Variants in PARD3B observed in about 807,000 individuals in gnomAD.
The protein encoded by PARD3B is par-3 family cell polarity regulator beta, also known as partitioning defective 3 homolog B.
PARD3B carries 103 observed loss-of-function variants against 130.2 expected under a neutral mutation model. The observed-to-expected ratio is 0.79, with a 90% confidence interval of 0.67 to 0.93. The LOEUF (loss-of-function observed/expected upper bound fraction) is 0.93, where lower values mean the gene tolerates loss of function less well. Among genes scored for constraint, PARD3B ranks in the 40% least tolerant of loss-of-function variants. The pLI is 0.00. For missense variants in PARD3B, 1,609 were observed against 1,499.2 expected (o/e 1.07, Z -1.21); for synonymous variants, 583 against 553.2 (o/e 1.05, Z -0.76).
At chr2:204,797,263 A>C (rs1158168811) in intron 2 of PARD3B, among the ~76,000 whole-genome samples, 2 of 152,198 alleles carry the variant, frequency 1.3e-5, no homozygotes, top group South Asian at 4.1e-4. Flanking sequence ...AATAATTAAC[A>C]ACTTAGAATT....
rs546867874 is a variant in PARD3B, at chr2:205,515,456, C to T, written c.3180+15425C>T. Among the ~76,000 whole-genome samples the T allele has an allele frequency of 2.6e-5, 4 of 151,534 alleles. No individual in the cohort carries two copies. In the South Asian group the frequency reaches 6.4e-4, roughly 24 times the overall value. ...CAATGGTTGAACTAATTTACACTCT[C>T]ACCAACAGTGTATGAGTGTTCCCTT... On this transcript the variant is annotated intron_variant, in intron 21 of 22. Transcript: ENST00000406610.
intron 18 of PARD3B, among the ~76,000 whole-genome samples, chr2:205,361,841 A>AT (rs10711018): frequency 6.6e-5 from 10 of 151,144 alleles, no homozygotes; most frequent in African/African-American, 2.2e-4. Flanking sequence ...TCCCAAACAC[A>AT]TTTTTTTTTC....
intron 18 of PARD3B, among the ~76,000 whole-genome samples, chr2:205,381,017 A>T (rs1236947499): frequency 3.6e-5 from 2 of 55,490 alleles, no homozygotes; most frequent in Non-Finnish European, 7.6e-5. Flanking sequence ...TATAAAGAAT[A>T]TATATGATAT....
chr2:205,495,784 CT>C (rs2049901444), intron 20 of PARD3B, among the ~76,000 whole-genome samples: 1 of 152,136 alleles, frequency 6.6e-6, no homozygotes, highest in Admixed American at 6.6e-5. Context: ...GAAGAGCAGT[CT>C]TTGAAATGAG....
chr2:204,565,788 A>G (rs935793018), intron 1 of PARD3B, among the ~76,000 whole-genome samples: 1 of 152,188 alleles, frequency 6.6e-6, no homozygotes, highest in African/African-American at 2.4e-5. Flanking sequence ...ATGGTGCACC[A>G]TAAAAAAACC....
At chr2:205,385,625 A>G (rs935875850) in intron 18 of PARD3B, among the ~76,000 whole-genome samples, 1 of 152,064 alleles carries the variant, frequency 6.6e-6, no homozygotes, top group Non-Finnish European at 1.5e-5. Flanking sequence ...TCGCCACGCT[A>G]ATCTCTTTTA....
intron 2 of PARD3B, among the ~76,000 whole-genome samples, chr2:204,883,856 G>C (rs2046172279): frequency 6.6e-6 from 1 of 151,890 alleles, no homozygotes; most frequent in African/African-American, 2.4e-5. Context: ...CTCTGCCTCA[G>C]CCTCCCAAGT....
chr2:204,775,520 AG>A (rs1355540295), intron 2 of PARD3B, among the ~76,000 whole-genome samples: 3 of 152,138 alleles, frequency 2.0e-5, no homozygotes, highest in Non-Finnish European at 2.9e-5. Context: ...ATGGAGCTGG[AG>A]GAGCCAGGAT....
At chr2:205,188,516 G>A (rs914163836) in intron 14 of PARD3B, among the ~76,000 whole-genome samples, 2 of 152,218 alleles carry the variant, frequency 1.3e-5, no homozygotes, top group African/African-American at 4.8e-5. Context: ...CTTGGGACTA[G>A]CAAGAGAAGA....
intron 12 of PARD3B, among the ~76,000 whole-genome samples, chr2:205,175,048 G>C (rs762725588): frequency 6.6e-6 from 1 of 152,094 alleles, no homozygotes; most frequent in Non-Finnish European, 1.5e-5. Flanking sequence ...AGCAGAATAT[G>C]TTTAAAAATC....
In PARD3B at chr2:205,585,888, G is replaced by A. The variant is rs997342274; in HGVS notation, c.3261-29568G>A. On this transcript the variant is annotated intron_variant, in intron 22 of 22. Coordinates refer to ENST00000406610, the MANE Select transcript of PARD3B (RefSeq NM_001302769.2). This position sits in a 1 kb window ranked among gnomAD's most constrained non-coding sequence, Gnocchi z 5.4. Reference sequence around the variant, plus strand: ...CGGCCACAGCAGGTCTGGTGGTCACGGGAACCCACATCTTACATTCAACAG... The same window carrying A: ...CGGCCACAGCAGGTCTGGTGGTCACAGGAACCCACATCTTACATTCAACAG... Among the ~76,000 whole-genome samples the A allele has an allele frequency of 3.9e-5, 6 of 152,242 alleles. No homozygotes were observed. Among genetic ancestry groups the A allele is most frequent in the African/African-American group, 9.6e-5 (4 of 41,526 alleles).
At chr2:204,708,550 T>C (rs1559076836) in intron 2 of PARD3B, among the ~76,000 whole-genome samples, 1 of 152,194 alleles carries the variant, frequency 6.6e-6, no homozygotes, top group Non-Finnish European at 1.5e-5. Context: ...AATAATGTAA[T>C]TATATCACTT....
intron 15 of PARD3B, among the ~76,000 whole-genome samples, chr2:205,231,106 T>G (rs770120116): frequency 1.3e-5 from 2 of 152,114 alleles, no homozygotes; most frequent in Non-Finnish European, 2.9e-5. Context: ...GTGGTTACTG[T>G]GATCACTCAC....
At position 205,158,688 on chromosome 2, in the gene PARD3B, C is replaced by T; in HGVS notation, c.1435-34C>T. The T allele has an allele frequency of 6.4e-7, 1 of 1,557,966 alleles. No homozygotes were observed. On this transcript the variant is annotated intron_variant, in intron 10 of 22. Transcript: ENST00000406610. This position sits in a 1 kb window ranked among gnomAD's most constrained non-coding sequence, Gnocchi z 5.4. ...GAGTGAAATATTAATCTGCTTTCTT[C>T]TCTTCACTCTTTTCATGTGTATTCC... is the stretch of plus-strand genomic sequence containing the variant.
At chr2:204,854,688 C>T (rs1465920494) in intron 2 of PARD3B, among the ~76,000 whole-genome samples, 1 of 152,104 alleles carries the variant, frequency 6.6e-6, no homozygotes, top group African/African-American at 2.4e-5. Context: ...AAAATGTCTC[C>T]TGAACAGAGG....
rs1559207069 is a variant in PARD3B at position 205,550,970 on chromosome 2, TATATATACACACACAC to T, written c.3181-2352_3181-2337del. Among the ~76,000 whole-genome samples the T allele has an allele frequency of 3.8e-5, 4 of 104,900 alleles. No individual in the cohort carries two copies. The highest frequency in any genetic ancestry group is 9.3e-5 in the Admixed American group (1 of 10,794). 68.8% of individuals were successfully genotyped at this position (104,900 alleles called of 152,430 possible). A position where few individuals can be genotyped will look rare whatever the true frequency, so the allele number is the denominator to read the frequency against. On this transcript the variant is annotated intron_variant, in intron 21 of 22. Coordinates refer to ENST00000406610, the MANE Select transcript of PARD3B (RefSeq NM_001302769.2). This position sits in a 1 kb window ranked among gnomAD's most constrained non-coding sequence, Gnocchi z 4.5. ...ATATATATGTGTATATATATATATA[TATATATACACACACAC>T]ACACACACACACACACATAATCTGT...
chr2:205,000,480 G>A (rs1481657217), intron 3 of PARD3B, among the ~76,000 whole-genome samples: 1 of 152,064 alleles, frequency 6.6e-6, no homozygotes, highest in Non-Finnish European at 1.5e-5. Flanking sequence ...ATGTATGCCT[G>A]AATATATGGC....
chr2:205,090,014 T>A (rs1262402375), intron 4 of PARD3B, among the ~76,000 whole-genome samples: 1 of 152,226 alleles, frequency 6.6e-6, no homozygotes, highest in Non-Finnish European at 1.5e-5. Context: ...TGCTGTATTT[T>A]GTAGAGGTGC....
intron 4 of PARD3B, among the ~76,000 whole-genome samples, chr2:205,069,550 A>T (rs1045948819): frequency 1.3e-5 from 2 of 151,926 alleles, no homozygotes; most frequent in Non-Finnish European, 2.9e-5. Context: ...TTTGCTCATT[A>T]TTCATAAATT....
Sources: allele counts gnomAD v4.1 joint callset (sites outside exome capture counted in the v4.1 genomes callset), GRCh38; gene constraint gnomAD v4.1.1; non-coding constraint Gnocchi (gnomAD v3.1); transcripts MANE v1.5; gene names NCBI Gene and HGNC (gene_info 2026-07-23, HGNC 2026-07-21).